The following AGBL1 variants were observed in gnomAD, a reference collection of about 807,000 sequenced individuals.
The protein encoded by AGBL1 is AGBL carboxypeptidase 1.
A neutral mutation model predicts 118.9 loss-of-function variants in AGBL1; 130 were observed. That is an observed-to-expected ratio of 1.09 (90% CI 0.95 to 1.26). The LOEUF (loss-of-function observed/expected upper bound fraction) is 1.26, where lower values mean the gene tolerates loss of function less well. AGBL1 is among the 50% of genes most tolerant of loss of function. The pLI is 0.00. For missense variants in AGBL1, 1,584 were observed against 1,298.1 expected (o/e 1.22, Z -3.38); for synonymous variants, 555 against 478.9 (o/e 1.16, Z -2.08).
intron 5 of AGBL1, among the ~76,000 whole-genome samples, chr15:86,212,030 T>TA (rs1048764244): frequency 1.3e-5 from 2 of 152,124 alleles, no homozygotes; most frequent in African/African-American, 4.8e-5. Flanking sequence ...ATTTTCTCTT[T>TA]AAAAAAAGGC....
At chr15:86,953,041 T>G (rs566766786) in intron 23 of AGBL1, among the ~76,000 whole-genome samples, 1 of 152,308 alleles carries the variant, frequency 6.6e-6, no homozygotes, top group Non-Finnish European at 1.5e-5. Flanking sequence ...TGTGCCTGTT[T>G]TTGTGCTACA....
At chr15:86,381,887 T>G (rs12904197) in intron 17 of AGBL1, among the ~76,000 whole-genome samples, 29,699 of 152,126 alleles carry the variant, frequency 0.2, 3,026 homozygotes, top group Admixed American at 0.21. Context: ...ATGAAGGGCC[T>G]TGTGCCTCAA....
chr15:86,879,469 G>T (rs776998887), intron 22 of AGBL1, among the ~76,000 whole-genome samples: 6 of 152,110 alleles, frequency 3.9e-5, no homozygotes, highest in Non-Finnish European at 7.4e-5. Context: ...CCTGAGTCCA[G>T]GTTGCTCTTG....
In AGBL1 at chr15:86,712,201, T is replaced by G. The variant is rs993485072; in HGVS notation, c.3158+37765T>G. 2.0e-5 allele frequency among the ~76,000 whole-genome samples: 3 copies of G among 152,304 alleles called. No individual in the cohort carries two copies. In the South Asian group the frequency reaches 6.2e-4, roughly 32 times the overall value. The stretch of plus-strand genomic sequence containing the variant: ...TGTTAAAATTTTCAGTGTTTCCATT[T>G]CCTTGTTTATCATGGATTTAGGGTA... On this transcript the variant is annotated intron_variant, in intron 22 of 22. Coordinates refer to ENST00000614907, the MANE Select transcript of AGBL1 (RefSeq NM_001386094.1).
At chr15:86,196,054 T>G (rs548597856) in intron 5 of AGBL1, among the ~76,000 whole-genome samples, 1 of 152,332 alleles carries the variant, frequency 6.6e-6, no homozygotes, top group Non-Finnish European at 1.5e-5. Context: ...ATATCTGATT[T>G]TTAGCATACT....
At chr15:86,230,080 G>C (rs888816724) in intron 6 of AGBL1, among the ~76,000 whole-genome samples, 1 of 152,176 alleles carries the variant, frequency 6.6e-6, no homozygotes, top group African/African-American at 2.4e-5. Context: ...AAGTTTGGCA[G>C]GAAGTTGAGA....
intron 17 of AGBL1, among the ~76,000 whole-genome samples, chr15:86,361,638 G>A (rs1056540055): frequency 6.6e-6 from 1 of 151,944 alleles, no homozygotes; most frequent in Non-Finnish European, 1.5e-5. Flanking sequence ...GATGTTGGGG[G>A]CATATGTAAT....
intron 21 of AGBL1, among the ~76,000 whole-genome samples, chr15:86,594,423 TA>T (rs1264117060): frequency 6.6e-6 from 1 of 152,300 alleles, no homozygotes; most frequent in Non-Finnish European, 1.5e-5. Context: ...GAAAATGTAA[TA>T]AAAAATGTTC....
chr15:86,262,804 C>A lies in AGBL1; in HGVS notation c.996C>A (p.Asn332Lys), dbSNP rs762507639. 26 of 1,609,388 alleles carry A rather than the reference C, an allele frequency of 1.6e-5. No individual in the cohort carries two copies. The highest frequency in any genetic ancestry group is 3.4e-5 in the Admixed American group (2 of 59,536). The change falls in exon 10 of 23, where the codon AAC (asparagine) becomes AAA (lysine). Residue 332 changes from asparagine (N) to lysine (K), a missense_variant. Coordinates refer to ENST00000614907, the MANE Select transcript of AGBL1 (RefSeq NM_001386094.1). ...VEDDDLETDV[N>K]KLSSKPGLDR... is the part of the protein sequence containing the mutation. ...ATGATGACTTGGAAACAGACGTGAA[C>A]AAGCTGAGTTCCAAACCTGGTCTTG...
intron 17 of AGBL1, among the ~76,000 whole-genome samples, chr15:86,385,127 A>C (rs1241269937): frequency 6.6e-6 from 1 of 152,216 alleles, no homozygotes; most frequent in Non-Finnish European, 1.5e-5. Context: ...GTATACTCCC[A>C]AAAGTCTGAT....
chr15:86,428,391 A>G (rs2081892743), intron 18 of AGBL1, among the ~76,000 whole-genome samples: 2 of 152,234 alleles, frequency 1.3e-5, no homozygotes, highest in Admixed American at 6.5e-5. Context: ...GGAATACTCC[A>G]GGGAAGGCAG....
At chr15:86,704,950 C>A (rs1466561586) in intron 22 of AGBL1, among the ~76,000 whole-genome samples, 1 of 152,094 alleles carries the variant, frequency 6.6e-6, no homozygotes, top group Non-Finnish European at 1.5e-5. Context: ...TACTATGCAG[C>A]CATAAAAAGG....
At chr15:86,418,449 C>G (rs2081733135) in intron 18 of AGBL1, among the ~76,000 whole-genome samples, 1 of 152,134 alleles carries the variant, frequency 6.6e-6, no homozygotes, top group Non-Finnish European at 1.5e-5. Flanking sequence ...GAACAATTCC[C>G]AAAATTGTTC....
chr15:86,819,621 C>T (rs1446462530), intron 22 of AGBL1, among the ~76,000 whole-genome samples: 1 of 151,776 alleles, frequency 6.6e-6, no homozygotes, highest in Non-Finnish European at 1.5e-5. Flanking sequence ...AACTACAAAC[C>T]ACTGCTCAAG....
chr15:86,473,822 T>G (rs535836456), intron 18 of AGBL1, among the ~76,000 whole-genome samples: 11 of 152,304 alleles, frequency 7.2e-5, no homozygotes, highest in Admixed American at 5.9e-4. Flanking sequence ...AACTCGGTAT[T>G]AATTCCCATA....
chr15:86,193,835 T>G (rs1220636338), intron 5 of AGBL1, among the ~76,000 whole-genome samples: 1 of 152,212 alleles, frequency 6.6e-6, no homozygotes, highest in Non-Finnish European at 1.5e-5. Context: ...ACCAACCTCT[T>G]GTCATAAACA....
chr15:86,453,329 C>G (rs139962920), intron 18 of AGBL1, among the ~76,000 whole-genome samples: 294 of 152,280 alleles, frequency 1.9e-3, no homozygotes, highest in African/African-American at 6.7e-3. Context: ...CAGAAACAGA[C>G]AGATACCTAA....
intron 5 of AGBL1, among the ~76,000 whole-genome samples, chr15:86,179,853 A>G (rs1243870222): frequency 6.6e-6 from 1 of 152,194 alleles, no homozygotes; most frequent in African/African-American, 2.4e-5. Context: ...CCAAGGTTCC[A>G]GGATGCAAGA....
intron 1 of AGBL1, among the ~76,000 whole-genome samples, chr15:86,113,320 C>T (rs1262323832): frequency 9.2e-6 from 1 of 108,292 alleles, no homozygotes; most frequent in Non-Finnish European, 1.8e-5. Context: ...CTGAGTCTTA[C>T]TCTGTTGCCC....
Sources: allele counts gnomAD v4.1 joint callset (sites outside exome capture counted in the v4.1 genomes callset), GRCh38; gene constraint gnomAD v4.1.1; transcripts MANE v1.5; gene names NCBI Gene and HGNC (gene_info 2026-07-23, HGNC 2026-07-21).